Variants in CPQ observed in about 807,000 individuals in gnomAD.
The protein encoded by CPQ is Ser-Met dipeptidase.
In CPQ, 37 loss-of-function variants were observed where a neutral mutation model predicts 45.7. The ratio of observed to expected loss-of-function variants is 0.81; its 90% CI spans 0.62 to 1.07. CPQ has a LOEUF of 1.07. Ranked by LOEUF, CPQ falls within the 50% of genes least tolerant of loss-of-function variation. The pLI is 0.00. For synonymous variants in CPQ, 186 were observed against 205.8 expected (o/e 0.90, Z 0.82); for missense variants, 537 against 572.9 (o/e 0.94, Z 0.64).
chr8:96,859,549 A>G (rs1811900887), intron 3 of CPQ, among the ~76,000 whole-genome samples: 2 of 152,184 alleles, frequency 1.3e-5, no homozygotes, highest in South Asian at 2.1e-4. Context: ...AGTTGGCTGC[A>G]TGTCCTCAGA....
chr8:96,772,562 A>T, intron 1 of CPQ, among the ~76,000 whole-genome samples: 1 of 152,152 alleles, frequency 6.6e-6, no homozygotes, highest in East Asian at 1.9e-4. Flanking sequence ...GGACAAGAAG[A>T]TCAAGGAGAA....
At position 97,123,024 on chromosome 8, in the gene CPQ, T is replaced by TAAAATAAATAAAATA. The variant is rs1356576854; in HGVS notation, c.1256-19993_1256-19992insATAAATAAAATAAAA. ...AAATATAAAATAAAATAAAATAAAA[T>TAAAATAAATAAAATA]AAATAAAATAAAATAAAATAAATAA... is the stretch of plus-strand genomic sequence containing the variant. On this transcript the variant is annotated intron_variant, in intron 7 of 7. Coordinates refer to ENST00000220763, the MANE Select transcript of CPQ (RefSeq NM_016134.4). Among the ~76,000 whole-genome samples the TAAAATAAATAAAATA allele has an allele frequency of 1.1e-3, 30 of 26,336 alleles. 4 individuals are homozygous for TAAAATAAATAAAATA. Among genetic ancestry groups the TAAAATAAATAAAATA allele is most frequent in the Non-Finnish European group, 1.7e-3 (27 of 16,304 alleles). 17.3% of individuals were successfully genotyped at this position (26,336 alleles called of 152,430 possible). A position where few individuals can be genotyped will look rare whatever the true frequency, so the allele number is the denominator to read the frequency against.
chr8:97,030,354 G>A (rs900554920), intron 6 of CPQ, among the ~76,000 whole-genome samples: 1 of 151,320 alleles, frequency 6.6e-6, no homozygotes, highest in Non-Finnish European at 1.5e-5. Context: ...TGAATTGTGT[G>A]TATGTTATTT....
intron 4 of CPQ, among the ~76,000 whole-genome samples, chr8:96,921,395 C>T (rs1214475367): frequency 6.6e-6 from 1 of 152,184 alleles, no homozygotes; most frequent in Non-Finnish European, 1.5e-5. Context: ...CTTCCAGAAC[C>T]TAATGCCTTT....
intron 6 of CPQ, among the ~76,000 whole-genome samples, chr8:97,032,936 A>G (rs967396272): frequency 7.2e-5 from 11 of 152,234 alleles, no homozygotes; most frequent in African/African-American, 2.7e-4. Context: ...TAAAGGCTGA[A>G]CAGAGTAAAT....
intron 1 of CPQ, among the ~76,000 whole-genome samples, chr8:96,732,881 C>T (rs1301290540): frequency 2.6e-5 from 4 of 152,074 alleles, no homozygotes; most frequent in African/African-American, 9.7e-5. Flanking sequence ...TTTAGAATTT[C>T]GTATTCTGAA....
chr8:96,776,979 A>G (rs1299954649), intron 1 of CPQ, among the ~76,000 whole-genome samples: 2 of 152,194 alleles, frequency 1.3e-5, no homozygotes, highest in Non-Finnish European at 2.9e-5. Flanking sequence ...TTTTGTTTAT[A>G]AGAATAAGGA....
At chr8:97,053,074 T>TCAC (rs1586516661) in intron 6 of CPQ, among the ~76,000 whole-genome samples, 2 of 152,216 alleles carry the variant, frequency 1.3e-5, no homozygotes, top group African/African-American at 2.4e-5. Flanking sequence ...ATCATTATCT[T>TCAC]CACCACCACC....
At position 97,093,869 on chromosome 8, in the gene CPQ, C is replaced by G. The variant is rs2513357; in HGVS notation, c.1255+27659C>G. 5.3e-5 allele frequency among the ~76,000 whole-genome samples: 8 copies of G among 152,262 alleles called. No individual in the cohort carries two copies. In the East Asian group the frequency reaches 1.4e-3, roughly 26 times the overall value. On this transcript the variant is annotated intron_variant, in intron 7 of 7. Coordinates refer to ENST00000220763, the MANE Select transcript of CPQ (RefSeq NM_016134.4). ...TTTTGTCACAGCCAATATTTATAGT[C>G]TCTGACATCACTGGGATCAGAATGG...
At chr8:96,833,990 T>A (rs1387898019) in intron 2 of CPQ, among the ~76,000 whole-genome samples, 2 of 152,236 alleles carry the variant, frequency 1.3e-5, no homozygotes, top group Non-Finnish European at 2.9e-5. Context: ...GATACTTTGT[T>A]TTTTACTGAC....
At chr8:96,879,565 T>G (rs1163872735) in intron 3 of CPQ, among the ~76,000 whole-genome samples, 4 of 152,228 alleles carry the variant, frequency 2.6e-5, no homozygotes, top group African/African-American at 9.6e-5. Context: ...ATATCCAAAT[T>G]ATCAAATAAT....
chr8:97,002,152 C>T (rs1479416629), intron 5 of CPQ, among the ~76,000 whole-genome samples: 2 of 152,004 alleles, frequency 1.3e-5, no homozygotes, highest in Non-Finnish European at 2.9e-5. Flanking sequence ...TGAACCTTCT[C>T]TCTTTTCTCC....
intron 1 of CPQ, among the ~76,000 whole-genome samples, chr8:96,769,162 C>G (rs775863260): frequency 6.6e-6 from 1 of 152,102 alleles, no homozygotes; most frequent in Non-Finnish European, 1.5e-5. Flanking sequence ...ATTGCCAGAT[C>G]GAAGACAAAT....
intron 1 of CPQ, among the ~76,000 whole-genome samples, chr8:96,692,456 C>G (rs1185980902): frequency 6.6e-6 from 1 of 151,642 alleles, no homozygotes; most frequent in East Asian, 1.9e-4. Context: ...CTTGTGCCAC[C>G]CCTCTCCCAG....
intron 1 of CPQ, among the ~76,000 whole-genome samples, chr8:96,744,734 A>G (rs1165632152): frequency 6.6e-6 from 1 of 152,120 alleles, no homozygotes; most frequent in Non-Finnish European, 1.5e-5. Flanking sequence ...CTCTTGCAAT[A>G]ACTTAGAGTT....
intron 7 of CPQ, among the ~76,000 whole-genome samples, chr8:97,079,310 T>G (rs1235221674): frequency 6.6e-6 from 1 of 152,210 alleles, no homozygotes; most frequent in Non-Finnish European, 1.5e-5. Context: ...TTTCACAATT[T>G]CATTCACTCA....
intron 2 of CPQ, among the ~76,000 whole-genome samples, chr8:96,798,304 A>AT (rs1005465925): frequency 8.6e-5 from 13 of 150,514 alleles, no homozygotes; most frequent in East Asian, 2.0e-4. Flanking sequence ...TAATTTTTCG[A>AT]TTTTTTTTAA....
intron 1 of CPQ, among the ~76,000 whole-genome samples, chr8:96,681,326 A>C (rs1402492834): frequency 1.3e-5 from 2 of 152,126 alleles, no homozygotes; most frequent in Non-Finnish European, 2.9e-5. Context: ...CAGCCTAGGG[A>C]CTTGGTACCC....
At chr8:96,707,371 T>A (rs2130750585) in intron 1 of CPQ, among the ~76,000 whole-genome samples, 1 of 152,278 alleles carries the variant, frequency 6.6e-6, no homozygotes, top group African/African-American at 2.4e-5. Context: ...TACACTGGCC[T>A]AGTGCAAGTA....
Sources: gnomAD v4.1 joint callset for allele counts (sites outside exome capture counted in the v4.1 genomes callset) on GRCh38, gnomAD v4.1.1 for gene constraint, MANE v1.5 for transcripts, NCBI Gene and HGNC (gene_info 2026-07-23, HGNC 2026-07-21) for gene names.